THSD7B: variants seen among roughly 807,000 people sequenced by gnomAD.
THSD7B encodes thrombospondin type 1 domain containing 7B, also known as thrombospondin type-1 domain-containing protein 7B.
THSD7B carries 138 observed loss-of-function variants against 213.6 expected under a neutral mutation model. That is an observed-to-expected ratio of 0.65 (90% CI 0.56 to 0.74). The LOEUF is 0.74. Among genes scored for constraint, THSD7B ranks in the 30% least tolerant of loss-of-function variants. The pLI is 0.00. For synonymous variants in THSD7B, 742 were observed against 687.0 expected, an observed-to-expected ratio of 1.08 and a Z score of -1.25; for missense variants, 1,931 against 1,991.5, an observed-to-expected ratio of 0.97 and a Z score of 0.58.
At chr2:136,904,187 C>T (rs574209849) in intron 2 of THSD7B, among the ~76,000 whole-genome samples, 122 of 152,120 alleles carry the variant, frequency 8.0e-4, no homozygotes, top group African/African-American at 2.7e-3. Flanking sequence ...AATGTGGAGA[C>T]GGGGAAGTGG....
intron 2 of THSD7B, among the ~76,000 whole-genome samples, chr2:136,931,952 T>A (rs1284964949): frequency 6.6e-6 from 1 of 152,214 alleles, no homozygotes; most frequent in Non-Finnish European, 1.5e-5. Context: ...CTGATATTAT[T>A]TCAATTACCT....
intron 2 of THSD7B, among the ~76,000 whole-genome samples, chr2:137,055,233 A>G (rs1488852503): frequency 6.6e-6 from 1 of 152,206 alleles, no homozygotes; most frequent in Non-Finnish European, 1.5e-5. Flanking sequence ...ATAGTGCTGC[A>G]ATAAACATAC....
intron 2 of THSD7B, among the ~76,000 whole-genome samples, chr2:136,997,660 C>G (rs79671517): frequency 0.052 from 7,880 of 152,186 alleles, 281 homozygotes; most frequent in East Asian, 0.12. Flanking sequence ...TAGAAGCAAG[C>G]TGTCTGATTC....
At chr2:137,248,942 C>G (rs72847103) in intron 10 of THSD7B, among the ~76,000 whole-genome samples, 14,712 of 152,188 alleles carry the variant, frequency 0.097, 848 homozygotes, top group Non-Finnish European at 0.13. Context: ...CCAGACCCAG[C>G]TCTGATACAT....
intron 4 of THSD7B, among the ~76,000 whole-genome samples, chr2:137,095,581 T>C (rs1487532935): frequency 6.6e-6 from 1 of 152,238 alleles, no homozygotes; most frequent in Non-Finnish European, 1.5e-5. Flanking sequence ...AGTACCCTGA[T>C]TCTAACTCAG....
intron 12 of THSD7B, among the ~76,000 whole-genome samples, chr2:137,310,416 A>C (rs1044758659): frequency 6.8e-6 from 1 of 146,996 alleles, no homozygotes; most frequent in African/African-American, 2.5e-5. Context: ...CCTTTGTCAG[A>C]TGAGTAGGTT....
chr2:137,510,128 G>A (rs961219207), intron 15 of THSD7B, among the ~76,000 whole-genome samples: 12 of 151,812 alleles, frequency 7.9e-5, no homozygotes, highest in African/African-American at 2.9e-4. Context: ...TATAGTAATT[G>A]GTATGATTGG....
chr2:136,936,755 C>T (rs1454163327), intron 2 of THSD7B, among the ~76,000 whole-genome samples: 5 of 152,020 alleles, frequency 3.3e-5, no homozygotes, highest in African/African-American at 4.8e-5. Flanking sequence ...CAAAATCTCA[C>T]GAATCACCAC....
intron 5 of THSD7B, among the ~76,000 whole-genome samples, chr2:137,120,893 G>T (rs114566809): frequency 0.019 from 2,893 of 152,224 alleles, 75 homozygotes; most frequent in Admixed American, 0.051. Flanking sequence ...TTTTGCAGAG[G>T]CAAACATAGA....
At chr2:137,236,259 G>C (rs1479335379) in intron 9 of THSD7B, among the ~76,000 whole-genome samples, 1 of 152,190 alleles carries the variant, frequency 6.6e-6, no homozygotes, top group Admixed American at 6.5e-5. Context: ...TGGAACGTGT[G>C]GTTCAAAATA....
In THSD7B at chr2:137,106,007, G is replaced by C. The variant is rs568338965; in HGVS notation, c.1200-9117G>C. Among the ~76,000 whole-genome samples the C allele has an allele frequency of 2.6e-5, 4 of 152,156 alleles. No homozygotes were observed. In the South Asian group the frequency reaches 6.2e-4, roughly 24 times the overall value. ...ATAGATTCAGTGCTATCCCCATCAA[G>C]GTACCATTGACTTTCTTCACAGAAT... On this transcript the variant is annotated intron_variant, in intron 4 of 27. Coordinates refer to ENST00000409968, the MANE Select transcript of THSD7B (RefSeq NM_001316349.2).
chr2:136,999,465 GT>G lies in THSD7B; in HGVS notation c.140-56943del, dbSNP rs199846048. On this transcript the variant is annotated intron_variant, in intron 2 of 27. Transcript: ENST00000409968. ...GTGATAGATTTAAATTAGGTATCTTGTTTTTTTTTTTTCAAGCATGATATTG... is the reference window on the plus strand; with the variant it reads ...GTGATAGATTTAAATTAGGTATCTTGTTTTTTTTTTTCAAGCATGATATTG... 2.2e-3 allele frequency among the ~76,000 whole-genome samples: 305 copies of G among 135,590 alleles called. 2 individuals are homozygous for G. The highest frequency in any genetic ancestry group is 7.7e-3 in the Middle Eastern group (2 of 260). 89.0% of individuals were successfully genotyped at this position (135,590 alleles called of 152,430 possible).
intron 17 of THSD7B, among the ~76,000 whole-genome samples, chr2:137,593,661 T>C (rs1353788785): frequency 1.3e-5 from 2 of 151,986 alleles, no homozygotes; most frequent in Non-Finnish European, 2.9e-5. Context: ...ATTTGTATAT[T>C]CTGGATGTAA....
intron 2 of THSD7B, among the ~76,000 whole-genome samples, chr2:136,997,498 C>G (rs1431058050): frequency 6.6e-6 from 1 of 152,170 alleles, no homozygotes. Context: ...GGGTGTGTTT[C>G]TTTTAGGTTA....
chr2:137,318,550 G>A (rs1472452119), intron 12 of THSD7B, among the ~76,000 whole-genome samples: 3 of 151,986 alleles, frequency 2.0e-5, no homozygotes, highest in East Asian at 1.9e-4. Context: ...AAAAAGCAGG[G>A]CACTGAAACA....
intron 9 of THSD7B, among the ~76,000 whole-genome samples, chr2:137,237,386 T>C (rs1239131177): frequency 6.6e-6 from 1 of 152,238 alleles, no homozygotes; most frequent in African/African-American, 2.4e-5. Context: ...CGGAAATAGC[T>C]GGAGAAATAA....
chr2:137,199,100 T>G (rs1573881293), intron 7 of THSD7B, among the ~76,000 whole-genome samples: 2 of 152,274 alleles, frequency 1.3e-5, no homozygotes, highest in East Asian at 1.9e-4. Flanking sequence ...ATAAATTGGG[T>G]AAATAGTGGT....
In THSD7B at chr2:137,572,701, GA is replaced by G. The variant is rs1288190910; in HGVS notation, c.3423+152del. 1.8e-5 allele frequency: 19 copies of G among 1,027,810 alleles called. No homozygotes were observed. The East Asian group carries it at 3.6e-4, about 19-fold the overall frequency. The allele number at this position is 1,027,810 out of a possible 1,614,324, so 63.7% of individuals were successfully genotyped here. ...TTTCTTTTTGAGAAATCCAAAGAAA[GA>G]AAAAAAGAAAAAAAAAGTCTGCAAG... On this transcript the variant is annotated intron_variant, in intron 17 of 27. Coordinates refer to ENST00000409968, the MANE Select transcript of THSD7B (RefSeq NM_001316349.2).
At chr2:137,581,745 G>A (rs552588481) in intron 17 of THSD7B, among the ~76,000 whole-genome samples, 4 of 147,894 alleles carry the variant, frequency 2.7e-5, no homozygotes, top group Non-Finnish European at 4.5e-5. Context: ...GGGCGACAGA[G>A]CGAGACTCCG....
Sources: allele counts gnomAD v4.1 joint callset (sites outside exome capture counted in the v4.1 genomes callset), GRCh38; gene constraint gnomAD v4.1.1; transcripts MANE v1.5; gene names NCBI Gene and HGNC (gene_info 2026-07-23, HGNC 2026-07-21).